The following FRAS1 variants were observed in gnomAD, a reference collection of about 807,000 sequenced individuals.
FRAS1 encodes extracellular matrix organizing protein FRAS1.
FRAS1 carries 290 observed loss-of-function variants against 435.2 expected under a neutral mutation model. The ratio of observed to expected loss-of-function variants is 0.67; its 90% CI spans 0.61 to 0.73. FRAS1 has a LOEUF of 0.73. Ranked by LOEUF, FRAS1 falls within the 30% of genes least tolerant of loss-of-function variation. The pLI is 0.00. For missense variants in FRAS1, 4,860 were observed against 5,001.5 expected, an observed-to-expected ratio of 0.97 and a Z score of 0.85; for synonymous variants, 1,800 against 1,851.0, an observed-to-expected ratio of 0.97 and a Z score of 0.71.
At position 78,237,613 on chromosome 4, in the gene FRAS1, A is replaced by C; in HGVS notation, c.212A>C (p.Glu71Ala). The C allele has an allele frequency of 6.3e-7, 1 of 1,584,968 alleles. No individual in the cohort carries two copies. Among genetic ancestry groups the C allele is most frequent in the Non-Finnish European group, 8.6e-7 (1 of 1,156,652 alleles). Residue 71 changes from glutamate (E) to alanine (A), a missense_variant, in exon 3 of 74, where the codon GAG (glutamate) becomes GCG (alanine). Transcript: ENST00000512123. ...TGCAGAAACCCTCAATGTGCCTTTG[A>C]GAAGGTACGGTATCCTAATTGTGTC... ...AVCRNPQCAF[E>A]KGEVLQIAAN...
chr4:78,534,706 C>A, intron 71 of FRAS1, 91 bp downstream of exon 71: 3 of 1,168,092 alleles, frequency 2.6e-6, no homozygotes, highest in Admixed American at 2.2e-5. Flanking sequence ...TGCTCATATG[C>A]TCTCAGTCAC....
chr4:78,416,847 C>T (rs1279240479), intron 32 of FRAS1, among the ~76,000 whole-genome samples: 1 of 151,928 alleles, frequency 6.6e-6, no homozygotes, highest in Non-Finnish European at 1.5e-5. Flanking sequence ...AATTGGGAGG[C>T]CACTGGGTTA....
intron 48 of FRAS1, 114 bp downstream of exon 48, chr4:78,464,259 G>C (rs1297993638): frequency 7.0e-7 from 1 of 1,427,604 alleles, no homozygotes; most frequent in Non-Finnish European, 9.4e-7. Flanking sequence ...TCTGCTCTCA[G>C]TCAAGGGGTA....
intron 68 of FRAS1, among the ~76,000 whole-genome samples, chr4:78,522,019 A>G (rs558272554): frequency 6.6e-6 from 1 of 152,334 alleles, no homozygotes; most frequent in East Asian, 1.9e-4. Flanking sequence ...AACTGCTTAC[A>G]TAAAAAGAAA....
intron 2 of FRAS1, among the ~76,000 whole-genome samples, chr4:78,171,484 C>T (rs1226047076): frequency 6.6e-6 from 1 of 152,138 alleles, no homozygotes; most frequent in Non-Finnish European, 1.5e-5. Flanking sequence ...TCAACTTGCT[C>T]TTTTTCATGC....
intron 29 of FRAS1, among the ~76,000 whole-genome samples, chr4:78,390,610 CCTT>C (rs1429803118): frequency 3.9e-5 from 6 of 152,212 alleles, no homozygotes; most frequent in Non-Finnish European, 7.3e-5. Context: ...GGGCCCCAAG[CCTT>C]CTGTAATCTT....
intron 9 of FRAS1, among the ~76,000 whole-genome samples, chr4:78,275,846 A>G (rs1211177801): frequency 1.3e-5 from 2 of 152,026 alleles, no homozygotes; most frequent in Admixed American, 6.6e-5. Context: ...TATTTCCTCA[A>G]TTTGAATGTT....
intron 29 of FRAS1, among the ~76,000 whole-genome samples, chr4:78,393,850 T>G (rs1732547262): frequency 6.6e-6 from 1 of 151,984 alleles, no homozygotes; most frequent in East Asian, 1.9e-4. Context: ...GCTGTAACAA[T>G]TTACTTTCCT....
rs763117705 is a variant in FRAS1, at chr4:78,479,380, C to G, written c.8105C>G (p.Ala2702Gly). ...LFAPIERKGD[A>G]SSIVSAICYT... ...TTTGCCATTTGTATTTCAGGAGATGCAAGCAGCATTGTATCTGCAATTTGC... is the reference window on the plus strand; with the variant it reads ...TTTGCCATTTGTATTTCAGGAGATGGAAGCAGCATTGTATCTGCAATTTGC... Residue 2702 changes from alanine to glycine, a missense_variant, in exon 56 of 74, where the codon GCA becomes GGA. By Grantham distance (60) the Ala-to-Gly change is moderately conservative. Transcript: ENST00000512123. 12 of 1,469,466 alleles carry G rather than the reference C, an allele frequency of 8.2e-6. No homozygotes were observed. Among genetic ancestry groups the G allele is most frequent in the Admixed American group, 4.8e-5 (2 of 42,046 alleles). 91.0% of individuals were successfully genotyped at this position (1,469,466 alleles called of 1,614,324 possible).
rs1164016125 is a variant in FRAS1 at position 78,511,394 on chromosome 4, A to G, written c.9901A>G (p.Ser3301Gly). Reference sequence around the variant, plus strand: ...CAACATTGTTACCATTGGAACAGACAGTGCTATCTGCCACACACCAGTGGT... The same window carrying G: ...CAACATTGTTACCATTGGAACAGACGGTGCTATCTGCCACACACCAGTGGT... Reference protein sequence around the residue: ...RSNIVTIGTDSAICHTPVVAG... With the variant: ...RSNIVTIGTDGAICHTPVVAG... Residue 3301 changes from serine to glycine, a missense_variant, in exon 64 of 74, where the codon AGT becomes GGT. By Grantham distance (56) the Ser-to-Gly change is moderately conservative. Transcript: ENST00000512123. 1.9e-6 allele frequency: 3 copies of G among 1,614,006 alleles called. No homozygotes were observed. The Admixed American group carries it at 5.0e-5, about 27-fold the overall frequency.
rs1720028767 is a variant in FRAS1 at position 78,482,073 on chromosome 4, T to C, written c.8604+109T>C. On this transcript the variant is annotated intron_variant, in intron 57 of 73. Transcript: ENST00000512123. ...AACTCCCCTGGCGATATTCCTATCT[T>C]TCCTTTCTTTAAAAACACACATACA... 4 of 1,153,330 alleles carry C rather than the reference T, an allele frequency of 3.5e-6. No homozygotes were observed. The South Asian group carries it at 4.4e-5, about 13-fold the overall frequency. The allele number at this position is 1,153,330 out of a possible 1,614,324, so 71.4% of individuals were successfully genotyped here.
intron 58 of FRAS1, among the ~76,000 whole-genome samples, chr4:78,483,782 C>A (rs866411462): frequency 0.53 from 40,640 of 76,818 alleles, 10,449 homozygotes; most frequent in East Asian, 0.64. Context: ...CTCTCTCTCT[C>A]TATATATATA....
intron 2 of FRAS1, among the ~76,000 whole-genome samples, chr4:78,125,756 G>A (rs558132160): frequency 8.5e-5 from 13 of 152,198 alleles, no homozygotes; most frequent in African/African-American, 3.1e-4. Context: ...TGGAAGCTTC[G>A]TCCCAGAGGG....
chr4:78,252,202 A>G (rs985422893), intron 4 of FRAS1, among the ~76,000 whole-genome samples, 190 bp from the exon 5 acceptor site: 3 of 152,200 alleles, frequency 2.0e-5, no homozygotes, highest in African/African-American at 4.8e-5. Flanking sequence ...GGAGAAGTCC[A>G]TGTTTAAACT....
At chr4:78,483,502 A>T (rs1034741937) in intron 58 of FRAS1, among the ~76,000 whole-genome samples, 6 of 152,078 alleles carry the variant, frequency 3.9e-5, no homozygotes, top group Non-Finnish European at 7.4e-5. Context: ...GAGATTGGCC[A>T]TAGAGCCCAT....
intron 2 of FRAS1, among the ~76,000 whole-genome samples, chr4:78,105,948 G>T (rs1196133420): frequency 1.5e-5 from 2 of 135,520 alleles, no homozygotes; most frequent in Non-Finnish European, 3.2e-5. Flanking sequence ...AGCGCAAGGG[G>T]TCAGGGAGTT....
intron 9 of FRAS1, among the ~76,000 whole-genome samples, chr4:78,274,520 GT>G (rs1726893637): frequency 6.6e-6 from 1 of 152,064 alleles, no homozygotes; most frequent in South Asian, 2.1e-4. Context: ...TTGTGTCTTT[GT>G]TCTCGTTGGT....
intron 42 of FRAS1, chr4:78,446,417 T>G: frequency 8.9e-7 from 1 of 1,122,990 alleles, no homozygotes; most frequent in Non-Finnish European, 1.1e-6. Flanking sequence ...CTTCAAAGTA[T>G]GTTAATACTT....
chr4:78,467,844 A>G (rs1385504530), intron 50 of FRAS1, among the ~76,000 whole-genome samples: 1 of 152,140 alleles, frequency 6.6e-6, no homozygotes, highest in Admixed American at 6.5e-5. Flanking sequence ...GCGTCTTTTC[A>G]TATGTCTCTT....
Sources: gnomAD v4.1 joint callset for allele counts (sites outside exome capture counted in the v4.1 genomes callset) on GRCh38, gnomAD v4.1.1 for gene constraint, MANE v1.5 for transcripts, NCBI Gene and HGNC (gene_info 2026-07-23, HGNC 2026-07-21) for gene names.